Variants in PPIL6 observed in about 807,000 individuals in gnomAD.
PPIL6 encodes peptidylprolyl isomerase like 6, also known as probable inactive peptidyl-prolyl cis-trans isomerase-like 6.
PPIL6 carries 39 observed loss-of-function variants against 36.8 expected under a neutral mutation model. The ratio of observed to expected loss-of-function variants is 1.06; its 90% CI spans 0.82 to 1.38. The LOEUF is 1.38. Among genes scored for constraint, PPIL6 ranks in the 40% most tolerant of loss-of-function variants. The probability of loss-of-function intolerance (pLI) is 0.00; values close to 1 mark genes in which losing one functional copy is unlikely to be tolerated. For missense variants in PPIL6, 368 were observed against 379.1 expected, an observed-to-expected ratio of 0.97 and a Z score of 0.24; for synonymous variants, 123 against 134.1, an observed-to-expected ratio of 0.92 and a Z score of 0.57.
intron 5 of PPIL6, among the ~76,000 whole-genome samples, chr6:109,424,014 TAAAC>T (rs1361360993): frequency 6.6e-6 from 1 of 152,046 alleles, no homozygotes; most frequent in Non-Finnish European, 1.5e-5. Context: ...AAACAGACAA[TAAAC>T]AAATGAACTA....
chr6:109,437,548 CTTT>C (rs71551374), intron 1 of PPIL6, among the ~76,000 whole-genome samples: 3,442 of 97,672 alleles, frequency 0.035, 22 homozygotes, highest in East Asian at 0.079. Flanking sequence ...TATTTCTTTT[CTTT>C]TTTTTTTTTT....
chr6:109,407,621 C>A (rs1219385333), intron 6 of PPIL6, among the ~76,000 whole-genome samples: 1 of 152,120 alleles, frequency 6.6e-6, no homozygotes, highest in African/African-American at 2.4e-5. Context: ...CAAGGACAAA[C>A]AAAATGATGA....
chr6:109,414,954 A>C (rs1325772996), intron 6 of PPIL6, among the ~76,000 whole-genome samples: 1 of 152,238 alleles, frequency 6.6e-6, no homozygotes, highest in Non-Finnish European at 1.5e-5. Context: ...GCTAGAGAAA[A>C]TAAAATGTTA....
At chr6:109,405,885 G>A (rs904079543) in intron 6 of PPIL6, among the ~76,000 whole-genome samples, 2 of 152,118 alleles carry the variant, frequency 1.3e-5, no homozygotes, top group Non-Finnish European at 2.9e-5. Flanking sequence ...TGTATGTTTC[G>A]TGACCATTTA....
At chr6:109,434,966 G>C (rs1774364633) in intron 2 of PPIL6, among the ~76,000 whole-genome samples, 1 of 152,202 alleles carries the variant, frequency 6.6e-6, no homozygotes, top group Non-Finnish European at 1.5e-5. Flanking sequence ...GGAGTTCTCT[G>C]AGGGTATAGA....
At chr6:109,405,059 GA>G (rs34887926) in intron 6 of PPIL6, 4,076 of 337,142 alleles carry the variant, frequency 0.012, 1 homozygote, top group South Asian at 0.015. Context: ...CTCAAAAAAG[GA>G]AAAAAAAAAA....
intron 2 of PPIL6, among the ~76,000 whole-genome samples, chr6:109,434,087 TA>T (rs1361302814): frequency 6.6e-6 from 1 of 152,114 alleles, no homozygotes. Context: ...GTAGGTCACA[TA>T]ACAAGTTTGA....
chr6:109,407,703 AC>A (rs1247026647), intron 6 of PPIL6, among the ~76,000 whole-genome samples: 2 of 152,238 alleles, frequency 1.3e-5, no homozygotes, highest in Non-Finnish European at 1.5e-5. Context: ...AAATAACAAT[AC>A]TAATAATACC....
chr6:109,394,854 T>G (rs1421265472), intron 7 of PPIL6, among the ~76,000 whole-genome samples: 1 of 152,214 alleles, frequency 6.6e-6, no homozygotes, highest in Non-Finnish European at 1.5e-5. Flanking sequence ...GTCTACAAAT[T>G]GTTTCCAAAT....
At chr6:109,417,171 T>TAAA (rs929868840) in intron 6 of PPIL6, among the ~76,000 whole-genome samples, 91 of 133,268 alleles carry the variant, frequency 6.8e-4, no homozygotes, top group Middle Eastern at 3.8e-3. Flanking sequence ...TCCTGTCTCT[T>TAAA]AAAAAAAAAA....
intron 6 of PPIL6, among the ~76,000 whole-genome samples, chr6:109,416,295 C>T (rs972961300): frequency 2.0e-5 from 3 of 150,984 alleles, no homozygotes; most frequent in South Asian, 2.1e-4. Context: ...CTCTGCCTCC[C>T]GAGTTCAAGT....
At chr6:109,431,527 A>AT (rs1330368894) in intron 2 of PPIL6, among the ~76,000 whole-genome samples, 182 bp from the exon 3 acceptor site, 1 of 152,208 alleles carries the variant, frequency 6.6e-6, no homozygotes, top group Admixed American at 6.5e-5. Context: ...ACTTAAGAAC[A>AT]TTTTTAAGAA....
chr6:109,417,360 G>C (rs951195053), intron 6 of PPIL6, among the ~76,000 whole-genome samples: 2 of 145,298 alleles, frequency 1.4e-5, no homozygotes, highest in African/African-American at 5.2e-5. Flanking sequence ...CCAGCTTGGG[G>C]AATACAGTGA....
Position 109,419,185 on chromosome 6 carries a change from A to G in PPIL6, c.688+2T>C. On this transcript the variant is annotated splice_donor_variant, in intron 6 of 7. Transcript: ENST00000521072. LOFTEE classifies it high-confidence loss of function. ...TAACTAACAAAATGTAAAGATACAT[A>G]CCTTCAAATGTTGGACCATAAATCG... The G allele has an allele frequency of 6.5e-7, 1 of 1,532,084 alleles. No individual in the cohort carries two copies. The highest frequency in any genetic ancestry group is 1.4e-5 in the African/African-American group (1 of 73,360). The allele number at this position is 1,532,084 out of a possible 1,614,324, so 94.9% of individuals were successfully genotyped here. A position where few individuals can be genotyped will look rare whatever the true frequency, so the allele number is the denominator to read the frequency against.
At chr6:109,434,674 AC>A (rs1562274860) in intron 2 of PPIL6, among the ~76,000 whole-genome samples, 1 of 152,152 alleles carries the variant, frequency 6.6e-6, no homozygotes, top group African/African-American at 2.4e-5. Context: ...TCCTTGTGCA[AC>A]CCAGCACAGA....
chr6:109,394,145 T>A (rs1772203983), intron 7 of PPIL6, among the ~76,000 whole-genome samples: 1 of 152,032 alleles, frequency 6.6e-6, no homozygotes, highest in Non-Finnish European at 1.5e-5. Context: ...CCAAGGCAGC[T>A]GGATTGCCTG....
intron 2 of PPIL6, among the ~76,000 whole-genome samples, chr6:109,435,043 T>C (rs1774368684): frequency 6.6e-6 from 1 of 152,238 alleles, no homozygotes; most frequent in South Asian, 2.1e-4. Flanking sequence ...GCTTGGTGTC[T>C]GTCATCAGAG....
At chr6:109,405,549 A>G (rs1321476581) in intron 6 of PPIL6, among the ~76,000 whole-genome samples, 4 of 152,198 alleles carry the variant, frequency 2.6e-5, no homozygotes, top group African/African-American at 9.7e-5. Context: ...CAGTTCTGCT[A>G]TAATACTTGT....
chr6:109,436,453 C>T (rs1345104735), intron 1 of PPIL6, among the ~76,000 whole-genome samples: 2 of 152,174 alleles, frequency 1.3e-5, no homozygotes, highest in African/African-American at 2.4e-5. Flanking sequence ...CGCAGTGGCT[C>T]ACACCTGTAA....
Sources: allele counts gnomAD v4.1 joint callset (sites outside exome capture counted in the v4.1 genomes callset), GRCh38; gene constraint gnomAD v4.1.1; transcripts MANE v1.5; gene names NCBI Gene and HGNC (gene_info 2026-07-23, HGNC 2026-07-21).